Variants in ZNF138 observed in about 807,000 individuals in gnomAD.
ZNF138 encodes zinc finger protein 138, also known as zinc finger protein 138 (clone pHZ-32).
In ZNF138, 33 loss-of-function variants were observed where a neutral mutation model predicts 33.0. The ratio of observed to expected loss-of-function variants is 1.00; its 90% CI spans 0.76 to 1.34. The LOEUF (loss-of-function observed/expected upper bound fraction) is 1.34. Ranked by LOEUF, ZNF138 falls within the 40% of genes most tolerant of loss-of-function variation. ZNF138 has a pLI of 0.00. For missense variants in ZNF138, 360 were observed against 370.8 expected (o/e 0.97, Z 0.24); for synonymous variants, 139 against 120.4 (o/e 1.15, Z -1.01).
intron 3 of ZNF138, among the ~76,000 whole-genome samples, chr7:64,826,537 T>G (rs1445291152): frequency 6.6e-6 from 1 of 152,204 alleles, no homozygotes; most frequent in Non-Finnish European, 1.5e-5. Context: ...CGCCTCGGCT[T>G]CCCAAAGTGC....
intron 1 of ZNF138, among the ~76,000 whole-genome samples, chr7:64,799,725 C>T (rs1160700860): frequency 6.6e-6 from 1 of 152,130 alleles, no homozygotes; most frequent in Non-Finnish European, 1.5e-5. Context: ...CTCACTGCAA[C>T]CTCGACCTCC....
At chr7:64,796,090 GCTGGT>G (rs1786666193) in intron 1 of ZNF138, among the ~76,000 whole-genome samples, 1 of 152,190 alleles carries the variant, frequency 6.6e-6, no homozygotes. Flanking sequence ...GAGACATATT[GCTGGT>G]CAATCAATCA....
At position 64,832,015 on chromosome 7, in the gene ZNF138, A is replaced by G. The variant is rs1353188955; in HGVS notation, c.773A>G (p.Lys258Arg). ...EKPYKCAHCG[K>R]AFKQSSHLTR... ...CCCTATAAATGTGCACACTGTGGCA[A>G]AGCCTTTAAACAGTCCTCACACCTT... Residue 258 changes from lysine to arginine, a missense_variant, in exon 4 of 4, where the codon AAA becomes AGA. Transcript: ENST00000307355. 6.2e-7 allele frequency: 1 copy of G among 1,613,850 alleles called. No homozygotes were observed. Among genetic ancestry groups the G allele is most frequent in the South Asian group, 1.1e-5 (1 of 91,062 alleles).
chr7:64,860,271 T>C, the ZNF138 span, among the ~76,000 whole-genome samples: 1 of 152,252 alleles, frequency 6.6e-6, no homozygotes, highest in Non-Finnish European at 1.5e-5. Flanking sequence ...CTTATTATAC[T>C]TTTGTGGCAA....
chr7:64,813,046 T>C (rs1788309604), intron 1 of ZNF138, among the ~76,000 whole-genome samples: 1 of 151,386 alleles, frequency 6.6e-6, no homozygotes, highest in Non-Finnish European at 1.5e-5. Flanking sequence ...TGTTTTTTCC[T>C]GCATACCAGA....
the ZNF138 span, among the ~76,000 whole-genome samples, chr7:64,853,802 A>G: frequency 1.4e-4 from 21 of 152,150 alleles, no homozygotes; most frequent in South Asian, 4.4e-3. Flanking sequence ...ACTGAATAAC[A>G]TAGGTGTTAT....
the ZNF138 span, among the ~76,000 whole-genome samples, chr7:64,851,776 A>C: frequency 6.6e-6 from 1 of 152,152 alleles, no homozygotes; most frequent in Non-Finnish European, 1.5e-5. Flanking sequence ...AAAAGAAATA[A>C]GATTTCTTTT....
intron 3 of ZNF138, among the ~76,000 whole-genome samples, chr7:64,829,402 C>T (rs1424017419): frequency 6.6e-6 from 1 of 151,132 alleles, no homozygotes; most frequent in Non-Finnish European, 1.5e-5. Flanking sequence ...CAAACACACA[C>T]ACACCACACA....
intron 3 of ZNF138, among the ~76,000 whole-genome samples, chr7:64,820,807 G>A (rs1189779118): frequency 6.6e-6 from 1 of 151,360 alleles, no homozygotes; most frequent in Admixed American, 6.6e-5. Flanking sequence ...CAAGTGATCT[G>A]CTTGCCTTGG....
chr7:64,805,411 C>CAAAACAAAA (rs71061310), intron 1 of ZNF138, among the ~76,000 whole-genome samples: 196 of 127,028 alleles, frequency 1.5e-3, no homozygotes, highest in East Asian at 1.2e-3. Context: ...AAAAACAAAA[C>CAAAACAAAA]AAAAAAAAAA....
chr7:64,817,826 A>G (rs1040889659), intron 3 of ZNF138, among the ~76,000 whole-genome samples: 3 of 152,056 alleles, frequency 2.0e-5, no homozygotes, highest in African/African-American at 7.2e-5. Flanking sequence ...ACAGTATGCT[A>G]GAATTTATAA....
chr7:64,844,876 G>A, the ZNF138 span, among the ~76,000 whole-genome samples: 6 of 152,178 alleles, frequency 3.9e-5, no homozygotes, highest in East Asian at 3.9e-4. Context: ...TAGAAGAGAC[G>A]GGGTTTCACC....
At chr7:64,834,485 C>A (rs1790306019), downstream of ZNF138, among the ~76,000 whole-genome samples, 1 of 152,066 alleles carries the variant, frequency 6.6e-6, no homozygotes, top group African/African-American at 2.4e-5. Context: ...TGCAGAGTTA[C>A]AATTACATTC....
chr7:64,799,912 T>A (rs1204426107), intron 1 of ZNF138, among the ~76,000 whole-genome samples: 1 of 152,356 alleles, frequency 6.6e-6, no homozygotes, highest in East Asian at 1.9e-4. Flanking sequence ...CCTCCCAAAG[T>A]GCTGGGATTT....
At chr7:64,818,003 T>A (rs1237573897) in intron 3 of ZNF138, among the ~76,000 whole-genome samples, 3 of 146,910 alleles carry the variant, frequency 2.0e-5, no homozygotes, top group African/African-American at 7.4e-5. Flanking sequence ...ATTATTTTTT[T>A]TTTTTTTTGA....
At chr7:64,834,731 AGTGGAGAGGCTCTTT>A (rs1256323919), downstream of ZNF138, among the ~76,000 whole-genome samples, 1 of 152,202 alleles carries the variant, frequency 6.6e-6, no homozygotes, top group Non-Finnish European at 1.5e-5. Flanking sequence ...CAAAAGTCTA[AGTGGAGAGGCTCTTT>A]GTGTTTAATT....
intron 3 of ZNF138, among the ~76,000 whole-genome samples, chr7:64,819,565 C>T (rs1788945750): frequency 6.6e-6 from 1 of 151,956 alleles, no homozygotes; most frequent in Non-Finnish European, 1.5e-5. Context: ...GATGGGGTTT[C>T]ACCATGTTGC....
chr7:64,848,969 G>T, the ZNF138 span, among the ~76,000 whole-genome samples: 1 of 152,120 alleles, frequency 6.6e-6, no homozygotes, highest in Non-Finnish European at 1.5e-5. Context: ...CTCCCAAAGT[G>T]CTGGGATTAC....
At chr7:64,852,527 T>C in the ZNF138 span, 9 of 1,572,626 alleles carry the variant, frequency 5.7e-6, no homozygotes, top group Admixed American at 1.5e-4. Context: ...CCATGCTTGG[T>C]GGTCTTCACC....
Sources: gnomAD v4.1 joint callset for allele counts (sites outside exome capture counted in the v4.1 genomes callset) on GRCh38, gnomAD v4.1.1 for gene constraint, MANE v1.5 for transcripts, NCBI Gene and HGNC (gene_info 2026-07-23, HGNC 2026-07-21) for gene names.